SNTG1: variants seen among roughly 807,000 people sequenced by gnomAD.
The protein encoded by SNTG1 is syntrophin gamma 1.
Under a neutral mutation model 74.7 loss-of-function variants are expected in SNTG1, and 39 were observed. The observed-to-expected ratio is 0.52, with a 90% CI of 0.40 to 0.68. SNTG1 has a LOEUF of 0.68. SNTG1 is among the 30% of genes least tolerant of loss of function. The pLI is 0.00. For synonymous variants in SNTG1, 254 were observed against 217.1 expected, an observed-to-expected ratio of 1.17 and a Z score of -1.49; for missense variants, 685 against 609.5, an observed-to-expected ratio of 1.12 and a Z score of -1.30.
chr8:50,675,238 C>T (rs181406147), intron 15 of SNTG1, among the ~76,000 whole-genome samples: 109 of 151,804 alleles, frequency 7.2e-4, no homozygotes, highest in African/African-American at 2.6e-3. Context: ...TTCTCTCATT[C>T]ATCTTTCTAA....
intron 2 of SNTG1, among the ~76,000 whole-genome samples, chr8:50,241,099 C>T (rs2086144438): frequency 6.6e-6 from 1 of 152,182 alleles, no homozygotes; most frequent in Non-Finnish European, 1.5e-5. Context: ...ACAATTTCCT[C>T]TCAGTCTGGG....
Position 50,422,363 on chromosome 8 carries a change from A to G in SNTG1, c.163-16180A>G, listed in dbSNP as rs184006001. On this transcript the variant is annotated intron_variant, in intron 4 of 18. Transcript: ENST00000642720. ...ATAGAAGGACTCAGAAACATTATCA[A>G]CCAACCAGATCTAATGAGCAAATGT... Among the ~76,000 whole-genome samples, 4 of 152,198 alleles carry G rather than the reference A, an allele frequency of 2.6e-5. No individual in the cohort carries two copies. In the East Asian group the frequency reaches 7.7e-4, roughly 29 times the overall value.
chr8:50,571,213 T>G (rs2094547534), intron 12 of SNTG1, among the ~76,000 whole-genome samples: 1 of 152,096 alleles, frequency 6.6e-6, no homozygotes, highest in Admixed American at 6.6e-5. Context: ...GGCCACCCCA[T>G]AGCATACCAA....
intron 18 of SNTG1, among the ~76,000 whole-genome samples, chr8:50,780,799 G>A (rs990418807): frequency 5.9e-5 from 9 of 152,078 alleles, no homozygotes; most frequent in African/African-American, 1.4e-4. Flanking sequence ...TGATGTTAGG[G>A]TGTCAATTTT....
chr8:50,012,643 A>C (rs1019595755), intron 1 of SNTG1, among the ~76,000 whole-genome samples: 1 of 152,116 alleles, frequency 6.6e-6, no homozygotes, highest in Non-Finnish European at 1.5e-5. Context: ...TTTGTTACTC[A>C]CAGTTCCCTA....
At chr8:50,586,054 G>A (rs375379156) in intron 12 of SNTG1, among the ~76,000 whole-genome samples, 1 of 152,096 alleles carries the variant, frequency 6.6e-6, no homozygotes, top group South Asian at 2.1e-4. Flanking sequence ...CACCCAGCCT[G>A]ATTCACACAT....
At chr8:50,693,867 C>A (rs1223099894) in intron 15 of SNTG1, among the ~76,000 whole-genome samples, 1 of 151,914 alleles carries the variant, frequency 6.6e-6, no homozygotes, top group Non-Finnish European at 1.5e-5. Context: ...ACCAATGGGT[C>A]AATGATAAAA....
chr8:50,183,919 T>C (rs577545697), intron 2 of SNTG1, among the ~76,000 whole-genome samples: 2 of 152,310 alleles, frequency 1.3e-5, no homozygotes, highest in African/African-American at 2.4e-5. Context: ...AAATTACTTA[T>C]CTATTAAGAA....
At chr8:50,083,456 A>G (rs1161875034) in intron 1 of SNTG1, among the ~76,000 whole-genome samples, 1 of 152,256 alleles carries the variant, frequency 6.6e-6, no homozygotes, top group East Asian at 1.9e-4. Context: ...AATCAAATGC[A>G]GAAAATATAA....
At chr8:50,410,616 T>A (rs1254338901) in intron 4 of SNTG1, among the ~76,000 whole-genome samples, 1 of 152,188 alleles carries the variant, frequency 6.6e-6, no homozygotes, top group East Asian at 1.9e-4. Context: ...GACCCTGAGA[T>A]CTTGTTCATT....
intron 8 of SNTG1, among the ~76,000 whole-genome samples, chr8:50,456,199 A>G (rs2093503659): frequency 6.6e-6 from 1 of 152,180 alleles, no homozygotes; most frequent in Non-Finnish European, 1.5e-5. Context: ...CACAGGTGAC[A>G]TTTTAATGAC....
chr8:49,945,103 G>A (rs1382240806), intron 1 of SNTG1, among the ~76,000 whole-genome samples: 1 of 152,138 alleles, frequency 6.6e-6, no homozygotes, highest in Non-Finnish European at 1.5e-5. Flanking sequence ...ATTTTCTCCT[G>A]TGGTGTGATG....
intron 1 of SNTG1, among the ~76,000 whole-genome samples, chr8:49,995,938 G>A (rs1345822599): frequency 1.3e-5 from 2 of 152,176 alleles, no homozygotes; most frequent in East Asian, 3.9e-4. Flanking sequence ...TAAAAACTGG[G>A]TATGTTTTAA....
At chr8:50,053,079 A>G (rs528482046) in intron 1 of SNTG1, among the ~76,000 whole-genome samples, 1 of 152,282 alleles carries the variant, frequency 6.6e-6, no homozygotes, top group African/African-American at 2.4e-5. Context: ...ACCACGTCCC[A>G]TATTCACCCA....
At position 50,297,279 on chromosome 8, in the gene SNTG1, C is replaced by T. The variant is rs56804531; in HGVS notation, c.-27-96933C>T. Among the ~76,000 whole-genome samples, 1,305 of 152,092 alleles carry T rather than the reference C, an allele frequency of 8.6e-3. 23 individuals are homozygous for T. The highest frequency in any genetic ancestry group is 0.03 in the African/African-American group (1,238 of 41,476). ...TATGATTTTTCTTATACATGCATGC[C>T]TGTGATACAAGTTAAATTAGGCAGA... On this transcript the variant is annotated intron_variant, in intron 2 of 18. Coordinates refer to ENST00000642720, the MANE Select transcript of SNTG1 (RefSeq NM_018967.5).
chr8:50,295,602 T>C (rs1453136894), intron 2 of SNTG1, among the ~76,000 whole-genome samples: 1 of 152,174 alleles, frequency 6.6e-6, no homozygotes, highest in South Asian at 2.1e-4. Flanking sequence ...CTTTGTGCCA[T>C]AAGTTAAAAA....
chr8:50,120,882 T>C (rs919313559), intron 1 of SNTG1, among the ~76,000 whole-genome samples: 1 of 141,894 alleles, frequency 7.0e-6, no homozygotes, highest in African/African-American at 2.6e-5. Flanking sequence ...CATGTAGCCG[T>C]GGAATGAGTG....
chr8:49,922,073 T>C (rs536591528), intron 1 of SNTG1, among the ~76,000 whole-genome samples: 2 of 152,128 alleles, frequency 1.3e-5, no homozygotes, highest in Non-Finnish European at 2.9e-5. Context: ...GCATGAAGAA[T>C]GCATACAAGG....
At chr8:50,369,742 C>G (rs2092222515) in intron 2 of SNTG1, among the ~76,000 whole-genome samples, 1 of 152,168 alleles carries the variant, frequency 6.6e-6, no homozygotes. Flanking sequence ...TGATCTTGGA[C>G]TTCCAGCCTC....
Sources: allele counts gnomAD v4.1 joint callset (sites outside exome capture counted in the v4.1 genomes callset), GRCh38; gene constraint gnomAD v4.1.1; transcripts MANE v1.5; gene names NCBI Gene and HGNC (gene_info 2026-07-23, HGNC 2026-07-21).